Variants in ERAP1 observed in about 807,000 individuals in gnomAD.
ERAP1 encodes the protein endoplasmic reticulum aminopeptidase 1, also known as adipocyte-derived leucine aminopeptidase.
A neutral mutation model predicts 103.7 loss-of-function variants in ERAP1; 86 were observed. The ratio of observed to expected loss-of-function variants is 0.83; its 90% confidence interval spans 0.70 to 0.99. ERAP1 has a LOEUF of 0.99. Among genes scored for constraint, ERAP1 ranks in the 50% least tolerant of loss-of-function variants. The pLI is 0.00. For missense variants in ERAP1, 1,009 were observed against 1,128.4 expected, an observed-to-expected ratio of 0.89 and a Z score of 1.52; for synonymous variants, 398 against 402.4, an observed-to-expected ratio of 0.99 and a Z score of 0.13.
chr5:96,921,316 A>G, the ERAP1 span, among the ~76,000 whole-genome samples: 1 of 152,196 alleles, frequency 6.6e-6, no homozygotes, highest in Non-Finnish European at 1.5e-5. Flanking sequence ...TTTATTCTAC[A>G]TTTTTAGTTA....
chr5:96,885,602 C>T, the ERAP1 span, among the ~76,000 whole-genome samples: 1 of 152,180 alleles, frequency 6.6e-6, no homozygotes. Flanking sequence ...TTTTCTCTTG[C>T]CAAAGCAAAT....
At chr5:96,923,264 A>G in the ERAP1 span, among the ~76,000 whole-genome samples, 4 of 152,308 alleles carry the variant, frequency 2.6e-5, 1 homozygote, top group East Asian at 5.8e-4. Context: ...CCACCACGCC[A>G]GGTCCTGGCT....
the ERAP1 span, among the ~76,000 whole-genome samples, chr5:96,844,680 A>C: frequency 6.6e-6 from 1 of 152,362 alleles, no homozygotes; most frequent in African/African-American, 2.4e-5. Context: ...TGGTAGCTCC[A>C]GGGCATTGTG....
the ERAP1 span, among the ~76,000 whole-genome samples, chr5:96,884,794 C>T: frequency 9.2e-5 from 14 of 152,152 alleles, no homozygotes; most frequent in Non-Finnish European, 1.5e-4. Flanking sequence ...CTCAGGGACC[C>T]TGCAGGGTCC....
At position 96,780,464 on chromosome 5, in the gene ERAP1, C is replaced by T. The variant is rs777879438; in HGVS notation, c.2629G>A (p.Gly877Ser). ...GSSSIAHMVM[G>S]TTNQFSTRTR... ...CTTGTGGAGAATTGATTTGTTGTACCCATTACCATGTGGGCTATGGAAGAT... is the reference window on the plus strand; with the variant it reads ...CTTGTGGAGAATTGATTTGTTGTACTCATTACCATGTGGGCTATGGAAGAT... Residue 877 changes from glycine (G) to serine (S), a missense_variant, in exon 18 of 19, where the codon GGT becomes AGT. This residue lies in a region of ERAP1 where 611 missense variants were observed against 651.7 expected (regional missense o/e 0.94). Coordinates refer to ENST00000443439, the MANE Select transcript of ERAP1 (RefSeq NM_001040458.3). 3 of 1,613,192 alleles carry T rather than the reference C, an allele frequency of 1.9e-6. No individual in the cohort carries two copies. The highest frequency in any genetic ancestry group is 3.3e-5 in the Admixed American group (2 of 59,974).
chr5:96,909,257 A>T, the ERAP1 span: 1 of 771,662 alleles, frequency 1.3e-6, no homozygotes, highest in Non-Finnish European at 2.1e-6. Context: ...GTAATGGTCA[A>T]TGACCCTTGT....
chr5:96,763,209 T>G, exon 20 of ERAP1: 1 of 780,774 alleles, frequency 1.3e-6, no homozygotes, highest in Non-Finnish European at 2.4e-6. Context: ...TTCATCCTGT[T>G]GCGTCAGCTT....
the ERAP1 span, among the ~76,000 whole-genome samples, chr5:96,859,318 C>T: frequency 6.6e-6 from 1 of 152,162 alleles, no homozygotes; most frequent in African/African-American, 2.4e-5. Flanking sequence ...AGTCCAAACA[C>T]AGCAGGGGGC....
At chr5:96,826,587 G>T in the ERAP1 span, among the ~76,000 whole-genome samples, 1 of 152,192 alleles carries the variant, frequency 6.6e-6, no homozygotes, top group Non-Finnish European at 1.5e-5. Flanking sequence ...CGTGGTGGAT[G>T]AATTTAGCCA....
At chr5:96,900,177 G>T in the ERAP1 span, 1 of 1,613,770 alleles carries the variant, frequency 6.2e-7, no homozygotes, top group South Asian at 1.1e-5. Flanking sequence ...ATCCCAAGAT[G>T]ACAAGTAACA....
the ERAP1 span, among the ~76,000 whole-genome samples, chr5:96,828,941 T>G: frequency 0.98 from 149,824 of 152,234 alleles, 73,764 homozygotes; most frequent in East Asian, 1. Context: ...CTGACTCCCT[T>G]GTTCAAGCAA....
At chr5:96,883,821 C>T in the ERAP1 span, 1 of 1,613,008 alleles carries the variant, frequency 6.2e-7, no homozygotes, top group Non-Finnish European at 8.5e-7. Context: ...TTTGAGCCAA[C>T]CCAGGCACGC....
chr5:96,767,943 T>C (rs770547929), intron 19 of ERAP1: 1 of 1,613,704 alleles, frequency 6.2e-7, no homozygotes, highest in South Asian at 1.1e-5. Context: ...TGATGCTCTC[T>C]CAGGAGATCT....
At chr5:96,845,747 A>T in the ERAP1 span, among the ~76,000 whole-genome samples, 1 of 152,118 alleles carries the variant, frequency 6.6e-6, no homozygotes, top group Admixed American at 6.5e-5. Context: ...CTATTTCCTC[A>T]ATAGAAAATG....
the ERAP1 span, among the ~76,000 whole-genome samples, chr5:96,867,838 C>T: frequency 0.033 from 5,070 of 152,288 alleles, 126 homozygotes; most frequent in Middle Eastern, 0.11. Flanking sequence ...CTTTGGGAGG[C>T]TGAGGCAGGC....
chr5:96,903,820 T>C, the ERAP1 span, among the ~76,000 whole-genome samples: 1 of 152,166 alleles, frequency 6.6e-6, no homozygotes, highest in African/African-American at 2.4e-5. Flanking sequence ...AAAAATGATA[T>C]TTGGCAACTG....
At chr5:96,797,365 A>C in intron 3 of ERAP1, 56 bp from the exon 4 acceptor site, 1 of 1,579,336 alleles carries the variant, frequency 6.3e-7, no homozygotes, top group South Asian at 1.1e-5. Context: ...TACAGTGAAC[A>C]TGATAAATTT....
intron 4 of ERAP1, among the ~76,000 whole-genome samples, chr5:96,795,898 T>C (rs1777295505): frequency 1.3e-5 from 2 of 152,170 alleles, no homozygotes; most frequent in Admixed American, 6.5e-5. Context: ...AGAATTCAGA[T>C]AAAACAATTA....
chr5:96,834,107 G>C, the ERAP1 span, among the ~76,000 whole-genome samples: 3,440 of 152,302 alleles, frequency 0.023, 130 homozygotes, highest in African/African-American at 0.079. Context: ...TAATTTGTTA[G>C]CATCATCAGA....
Sources: allele counts gnomAD v4.1 joint callset (sites outside exome capture counted in the v4.1 genomes callset), GRCh38; gene constraint gnomAD v4.1.1; regional missense constraint gnomAD v4.1.1; transcripts MANE v1.5; gene names NCBI Gene and HGNC (gene_info 2026-07-23, HGNC 2026-07-21).